ADAP1: variants seen among roughly 807,000 people sequenced by gnomAD.
ADAP1 encodes the protein ArfGAP with dual PH domains 1.
A neutral mutation model predicts 54.9 loss-of-function variants in ADAP1; 31 were observed. That is an observed-to-expected ratio of 0.56 (90% CI 0.42 to 0.76). The LOEUF is 0.76. Among genes scored for constraint, ADAP1 ranks in the 30% least tolerant of loss-of-function variants. The pLI is 0.00. For missense variants in ADAP1, 535 were observed against 512.4 expected (o/e 1.04, Z -0.42); for synonymous variants, 313 against 202.6 (o/e 1.55, Z -4.63).
chr7:906,375 A>G (rs1287319449), intron 4 of ADAP1, among the ~76,000 whole-genome samples: 1 of 21,924 alleles, frequency 4.6e-5, no homozygotes, highest in South Asian at 3.4e-3. Flanking sequence ...AAGAGAAAGG[A>G]GAAAGGAGAA....
chr7:930,220 T>A (rs963353583), intron 2 of ADAP1, among the ~76,000 whole-genome samples: 5 of 150,202 alleles, frequency 3.3e-5, no homozygotes, highest in Admixed American at 1.3e-4. Flanking sequence ...AAGTAAAAAT[T>A]TCCACGGCAA....
chr7:927,782 G>A (rs956547898), intron 2 of ADAP1, among the ~76,000 whole-genome samples: 5 of 152,190 alleles, frequency 3.3e-5, no homozygotes, highest in African/African-American at 1.2e-4. Context: ...TCCCGAGGAC[G>A]AGAGCCTCGA....
chr7:927,412 G>A (rs536983630), intron 2 of ADAP1: 6 of 494,844 alleles, frequency 1.2e-5, no homozygotes, highest in Non-Finnish European at 2.4e-5. Context: ...CGCCAGCCCC[G>A]AGGGCATGGG....
Position 940,336 on chromosome 7 carries a change from A to T in ADAP1, c.83-4831T>A, listed in dbSNP as rs1332531348. On this transcript the variant is annotated intron_variant, in intron 1 of 10. Coordinates refer to ENST00000265846, the MANE Select transcript of ADAP1 (RefSeq NM_006869.4). ...CTGGGTGTCACAGACCCTGTCACACACACACACACACACACACACACACAC... is the reference window on the plus strand; with the variant it reads ...CTGGGTGTCACAGACCCTGTCACACTCACACACACACACACACACACACAC... Among the ~76,000 whole-genome samples the T allele has an allele frequency of 8.6e-5, 7 of 81,476 alleles. No homozygotes were observed. The East Asian group carries it at 9.7e-4, about 11-fold the overall frequency. 53.5% of individuals were successfully genotyped at this position (81,476 alleles called of 152,430 possible).
At chr7:928,191 G>C (rs1846451464) in intron 2 of ADAP1, among the ~76,000 whole-genome samples, 1 of 151,616 alleles carries the variant, frequency 6.6e-6, no homozygotes, top group South Asian at 2.1e-4. Flanking sequence ...CTGAACTCCA[G>C]CCTGGGCGGC....
chr7:904,938 C>T, intron 5 of ADAP1, 122 bp downstream of exon 5: 3 of 831,494 alleles, frequency 3.6e-6, no homozygotes, highest in Non-Finnish European at 5.8e-6. Flanking sequence ...CTGGAGCGTC[C>T]CCATCGGGGG....
intron 4 of ADAP1, among the ~76,000 whole-genome samples, chr7:918,927 TGGGGGGC>T (rs1562924715): frequency 9.0e-5 from 4 of 44,304 alleles, no homozygotes; most frequent in South Asian, 4.7e-4. Context: ...TGGGGACTGC[TGGGGGGC>T]AGAGTTGGGG....
At chr7:908,049 C>CA (rs888441560) in intron 4 of ADAP1, among the ~76,000 whole-genome samples, 3 of 152,186 alleles carry the variant, frequency 2.0e-5, no homozygotes, top group African/African-American at 7.2e-5. Flanking sequence ...CTTCAGAGAG[C>CA]ACTTGCTTGG....
chr7:905,285 C>CA (rs112479370), intron 4 of ADAP1, 113 bp from the exon 5 acceptor site: 20,790 of 235,034 alleles, frequency 0.088, 2,384 homozygotes, highest in African/African-American at 0.34. Context: ...GGGACACGGA[C>CA]GGGGGACACG....
intron 1 of ADAP1, among the ~76,000 whole-genome samples, chr7:948,455 CT>C (rs1422268411): frequency 3.9e-5 from 6 of 152,146 alleles, no homozygotes; most frequent in Non-Finnish European, 8.8e-5. Context: ...CTTCCAAAGC[CT>C]TCCCCTGCAT....
chr7:939,588 C>T (rs1273585163), intron 1 of ADAP1, among the ~76,000 whole-genome samples: 2 of 149,926 alleles, frequency 1.3e-5, no homozygotes, highest in Non-Finnish European at 3.0e-5. Context: ...CCCAGCACTT[C>T]GGGAGGCCAA....
At chr7:901,048 A>G in intron 6 of ADAP1, 1 of 471,946 alleles carries the variant, frequency 2.1e-6, no homozygotes, top group Non-Finnish European at 4.4e-6. Context: ...GTGGTGGGAG[A>G]AGGGAGGCTC....
chr7:898,586 C>G lies in ADAP1; in HGVS notation c.*335G>C, dbSNP rs574405820. 1 of 422,526 alleles carries G rather than the reference C, an allele frequency of 2.4e-6. No individual in the cohort carries two copies. Among genetic ancestry groups the G allele is most frequent in the Non-Finnish European group, 4.4e-6 (1 of 224,746 alleles). The allele number at this position is 422,526 out of a possible 1,614,324, so 26.2% of individuals were successfully genotyped here. A position where few individuals can be genotyped will look rare whatever the true frequency, so the allele number is the denominator to read the frequency against. Reference sequence around the variant, plus strand: ...GCTGAGGCCTGGAAGTTCCCACAGCCGTGGTGGGCGGCTCCTGGGGGCTGT... The same window carrying G: ...GCTGAGGCCTGGAAGTTCCCACAGCGGTGGTGGGCGGCTCCTGGGGGCTGT... On this transcript the variant is annotated 3_prime_UTR_variant, in exon 11 of 11. Coordinates refer to ENST00000265846, the MANE Select transcript of ADAP1 (RefSeq NM_006869.4).
chr7:900,192 C>A, intron 7 of ADAP1, 28 bp from the exon 8 acceptor site: 1 of 1,612,640 alleles, frequency 6.2e-7, no homozygotes, highest in Non-Finnish European at 8.5e-7. Context: ...AGGCAGGGGA[C>A]CTCAGAAGTG....
chr7:955,277 C>T, upstream of ADAP1: 4 of 1,549,312 alleles, frequency 2.6e-6, no homozygotes, highest in Non-Finnish European at 3.5e-6. Context: ...AACAAAAAAC[C>T]TGGTTTTGAT....
At position 946,226 on chromosome 7, in the gene ADAP1, G is replaced by A. The variant is rs1482187644; in HGVS notation, c.82+8170C>T. Among the ~76,000 whole-genome samples, 3 of 152,098 alleles carry A rather than the reference G, an allele frequency of 2.0e-5. No homozygotes were observed. The highest frequency in any genetic ancestry group is 6.5e-5 in the Admixed American group (1 of 15,276). Reference sequence around the variant, plus strand: ...TCCGCATATTGTCTCCCAGTTACCCGTGGCCCCTGCAGGGATCCAGGCTCC... The same window carrying A: ...TCCGCATATTGTCTCCCAGTTACCCATGGCCCCTGCAGGGATCCAGGCTCC... On this transcript the variant is annotated intron_variant, in intron 1 of 10. Coordinates refer to ENST00000265846, the MANE Select transcript of ADAP1 (RefSeq NM_006869.4). This position sits in a 1 kb window ranked among gnomAD's most constrained non-coding sequence, Gnocchi z 4.3.
chr7:928,296 G>A (rs1297697437), intron 2 of ADAP1, among the ~76,000 whole-genome samples: 1 of 152,110 alleles, frequency 6.6e-6, no homozygotes, highest in African/African-American at 2.4e-5. Context: ...GAGCCCAAGA[G>A]GTCAAGGCTA....
intron 6 of ADAP1, chr7:903,905 C>T: frequency 1.8e-6 from 1 of 551,386 alleles, no homozygotes; most frequent in South Asian, 2.2e-5. Context: ...AGCTGCCTTC[C>T]TGCACCTGTC....
chr7:920,159 C>A lies in ADAP1; in HGVS notation c.306-109G>T, dbSNP rs917581990. The A allele has an allele frequency of 5.3e-6, 5 of 939,534 alleles. No homozygotes were observed. The highest frequency in any genetic ancestry group is 2.7e-5 in the East Asian group (1 of 36,838). The allele number at this position is 939,534 out of a possible 1,614,324, so 58.2% of individuals were successfully genotyped here. On this transcript the variant is annotated intron_variant, in intron 3 of 10. Transcript: ENST00000265846. This position sits in a 1 kb window ranked among gnomAD's most constrained non-coding sequence, Gnocchi z 4.5. ...ATCTCAAGAGGCTCATAGGGACCCCCGGCAGACTCGAGCCGCCCCTCTGGG... is the reference window on the plus strand; with the variant it reads ...ATCTCAAGAGGCTCATAGGGACCCCAGGCAGACTCGAGCCGCCCCTCTGGG...
Sources: allele counts gnomAD v4.1 joint callset (sites outside exome capture counted in the v4.1 genomes callset), GRCh38; gene constraint gnomAD v4.1.1; non-coding constraint Gnocchi (gnomAD v3.1); transcripts MANE v1.5; gene names NCBI Gene and HGNC (gene_info 2026-07-23, HGNC 2026-07-21).